PCNT: variants seen among roughly 807,000 people sequenced by gnomAD.
The protein encoded by PCNT is kendrin.
PCNT carries 319 observed loss-of-function variants against 380.4 expected under a neutral mutation model. The ratio of observed to expected loss-of-function variants is 0.84; its 90% CI spans 0.77 to 0.92. The LOEUF (loss-of-function observed/expected upper bound fraction) is 0.92. PCNT is among the 40% of genes least tolerant of loss of function. The probability of loss-of-function intolerance (pLI) is 0.00; values close to 1 mark genes in which losing one functional copy is unlikely to be tolerated. For missense variants in PCNT, 4,400 were observed against 4,255.3 expected (o/e 1.03, Z -0.95); for synonymous variants, 1,845 against 1,735.2 (o/e 1.06, Z -1.57).
intron 3 of PCNT, among the ~76,000 whole-genome samples, chr21:46,335,459 G>T (rs2083703390): frequency 6.6e-6 from 1 of 152,132 alleles, no homozygotes; most frequent in Non-Finnish European, 1.5e-5. Flanking sequence ...ACTTTGGGAG[G>T]CCGAGGTGGG....
At chr21:46,374,203 G>A (rs2085256614) in intron 15 of PCNT, among the ~76,000 whole-genome samples, 1 of 152,122 alleles carries the variant, frequency 6.6e-6, no homozygotes. Flanking sequence ...GGTTAGTGGG[G>A]TGCACGTTCA....
In PCNT at chr21:46,432,199, G is replaced by C; in HGVS notation, c.8735G>C (p.Arg2912Thr). Residue 2912 changes from arginine to threonine, a missense_variant, in exon 38 of 47, where the codon AGA (arginine) becomes ACA (threonine). Arg to Thr is a moderately conservative substitution (Grantham distance 71, BLOSUM62 -1). Coordinates refer to ENST00000359568, the MANE Select transcript of PCNT (RefSeq NM_006031.6). ...GCGGAGCAGTGGAGGAAGTGGCAGA[G>C]AGACAAGGAGAAGCTGGTGAGAGCC... ...AAAEQWRKWQ[R>T]DKEKLRELEL... 2 of 1,610,712 alleles carry C rather than the reference G, an allele frequency of 1.2e-6. No individual in the cohort carries two copies. Among genetic ancestry groups the C allele is most frequent in the Non-Finnish European group, 1.7e-6 (2 of 1,179,182 alleles).
rs1569272883 is a variant in PCNT, at chr21:46,413,377, G to GC, written c.6150+391dup. 1.8e-4 allele frequency among the ~76,000 whole-genome samples: 28 copies of GC among 151,862 alleles called. 1 individual carries two copies. The highest frequency in any genetic ancestry group is 4.8e-5 in the African/African-American group (2 of 41,384). The stretch of plus-strand genomic sequence containing the variant: ...GTGTGGGGAGGGGGGAAGGCGTGAG[G>GC]CCCCCCTGGGAGAGGCTGGGTGCAG... On this transcript the variant is annotated intron_variant, in intron 29 of 46. Coordinates refer to ENST00000359568, the MANE Select transcript of PCNT (RefSeq NM_006031.6).
intron 42 of PCNT, 151 bp from the exon 43 acceptor site, chr21:46,440,704 A>G (rs994779363): frequency 1.6e-6 from 1 of 641,704 alleles, no homozygotes. Flanking sequence ...GTTTCTGGCC[A>G]CAGATACTGT....
Position 46,347,451 on chromosome 21 carries a change from T to C in PCNT, c.977-6T>C, listed in dbSNP as rs1009487219. ...TGGCCTGAGCTGCTTTTTGTTTTTCTTGCAGCTGAGCTGAAGGAGAAGTTA... is the reference window on the plus strand; with the variant it reads ...TGGCCTGAGCTGCTTTTTGTTTTTCCTGCAGCTGAGCTGAAGGAGAAGTTA... On this transcript the variant is annotated splice_polypyrimidine_tract_variant and splice_region_variant and intron_variant, in intron 5 of 46. Transcript: ENST00000359568. The C allele has an allele frequency of 5.0e-6, 8 of 1,614,074 alleles. No homozygotes were observed. Among genetic ancestry groups the C allele is most frequent in the Middle Eastern group, 1.6e-4 (1 of 6,062 alleles).
At chr21:46,424,356 T>C (rs955062229) in intron 32 of PCNT, among the ~76,000 whole-genome samples, 6 of 152,172 alleles carry the variant, frequency 3.9e-5, no homozygotes, top group African/African-American at 1.4e-4. Flanking sequence ...CAGAGCCGCC[T>C]GGTCCTGAGT....
chr21:46,444,054 G>A (rs1204039090), intron 45 of PCNT, 106 bp downstream of exon 45: 2 of 1,237,474 alleles, frequency 1.6e-6, no homozygotes, highest in Non-Finnish European at 2.2e-6. Flanking sequence ...CCCAGCCCAG[G>A]GCAAGGCAGG....
chr21:46,334,287 CT>C, intron 2 of PCNT, 109 bp from the exon 3 acceptor site: 1 of 1,462,930 alleles, frequency 6.8e-7, no homozygotes, highest in South Asian at 1.1e-5. Flanking sequence ...GTGAGCTCTA[CT>C]TGTTAAATGA....
intron 27 of PCNT, among the ~76,000 whole-genome samples, chr21:46,403,094 C>A (rs931992370): frequency 1.3e-5 from 2 of 151,940 alleles, no homozygotes; most frequent in African/African-American, 4.8e-5. Flanking sequence ...TGTGTAGAAT[C>A]GTGTGTGTGG....
chr21:46,355,409 G>T (rs774683537), intron 11 of PCNT, 43 bp from the exon 12 acceptor site: 7 of 1,599,616 alleles, frequency 4.4e-6, no homozygotes, highest in Middle Eastern at 1.7e-4. Context: ...GAGCGAGGTA[G>T]CTTGGCTCAC....
chr21:46,359,739 A>G (rs112036298), intron 13 of PCNT, among the ~76,000 whole-genome samples: 24 of 112,446 alleles, frequency 2.1e-4, no homozygotes, highest in Middle Eastern at 4.3e-3. Context: ...TGCCTGCCTC[A>G]GCCTCCCAAA....
chr21:46,403,258 G>A (rs1473318594), intron 27 of PCNT, among the ~76,000 whole-genome samples: 2 of 139,910 alleles, frequency 1.4e-5, no homozygotes, highest in Non-Finnish European at 3.2e-5. Flanking sequence ...TGAACACAGC[G>A]TGGGAGAATT....
rs1253407214 is a variant in PCNT, at chr21:46,397,997, G to T, written c.4447-17G>T. The stretch of plus-strand genomic sequence containing the variant: ...AGCCCCGTTGGGGTGGTCCCAACAC[G>T]CTGCCTCTCCTCCCAGGAGCAGGCA... On this transcript the variant is annotated splice_polypyrimidine_tract_variant and intron_variant, in intron 22 of 46. Transcript: ENST00000359568. 1.2e-5 allele frequency: 19 copies of T among 1,563,272 alleles called. No homozygotes were observed. Among genetic ancestry groups the T allele is most frequent in the Non-Finnish European group, 1.5e-5 (17 of 1,155,870 alleles).
intron 1 of PCNT, among the ~76,000 whole-genome samples, chr21:46,325,754 A>G (rs1257898166): frequency 6.6e-6 from 1 of 152,188 alleles, no homozygotes. Context: ...GCTCGCACAT[A>G]GTCTCAAACT....
In PCNT at chr21:46,353,753, A is replaced by T. The variant is rs6518288; in HGVS notation, c.1680-234A>T. Among the ~76,000 whole-genome samples the T allele has an allele frequency of 0.099, 8,244 of 83,058 alleles. 507 individuals carry two copies. Among genetic ancestry groups the T allele is most frequent in the African/African-American group, 0.26 (6,345 of 24,860 alleles). 54.5% of individuals were successfully genotyped at this position (83,058 alleles called of 152,430 possible). On this transcript the variant is annotated intron_variant, in intron 10 of 46. Transcript: ENST00000359568. ...GTGTGTGTGTGTGTGTGTGTGTGTG[A>T]GAGAGACAGAGAGAGAGTCAGTGGC...
In PCNT at chr21:46,442,590, T is replaced by C. The variant is rs1434086592; in HGVS notation, c.9700+17T>C. The C allele has an allele frequency of 6.7e-7, 1 of 1,486,078 alleles. No homozygotes were observed. Among genetic ancestry groups the C allele is most frequent in the South Asian group, 1.1e-5 (1 of 88,574 alleles). 92.1% of individuals were successfully genotyped at this position (1,486,078 alleles called of 1,614,324 possible). A position where few individuals can be genotyped will look rare whatever the true frequency, so the allele number is the denominator to read the frequency against. Reference sequence around the variant, plus strand: ...CTCGCCCAGGTGGGACTCCAGCTGCTGTTGACCGCTGGACTCACAAACCTT... The same window carrying C: ...CTCGCCCAGGTGGGACTCCAGCTGCCGTTGACCGCTGGACTCACAAACCTT... On this transcript the variant is annotated intron_variant, in intron 44 of 46. Transcript: ENST00000359568.
Position 46,397,260 on chromosome 21 carries a change from C to T in PCNT, c.4217-5C>T. ...TCCCCGTGTCTGTCCTGTTTGCATC[C>T]TTAGCTCTCCGGAAGGAAGTGGAGG... On this transcript the variant is annotated splice_polypyrimidine_tract_variant and splice_region_variant and intron_variant, in intron 21 of 46. Transcript: ENST00000359568. The T allele has an allele frequency of 6.2e-7, 1 of 1,613,058 alleles. No homozygotes were observed. Among genetic ancestry groups the T allele is most frequent in the Non-Finnish European group, 8.5e-7 (1 of 1,179,088 alleles).
At chr21:46,384,746 C>T (rs541788523) in intron 16 of PCNT, among the ~76,000 whole-genome samples, 42 of 135,092 alleles carry the variant, frequency 3.1e-4, no homozygotes, top group Admixed American at 1.8e-3. Flanking sequence ...GTGCGTTGAG[C>T]GGCGGAAGCG....
chr21:46,381,194 CTCTGTGTGTGTGTG>C (rs2085522821), intron 15 of PCNT, among the ~76,000 whole-genome samples: 1 of 72,918 alleles, frequency 1.4e-5, no homozygotes, highest in Non-Finnish European at 2.5e-5. Flanking sequence ...AAAAAAAAAT[CTCTGTGTGTGTGTG>C]TGTGTGTGTG....
Sources: gnomAD v4.1 joint callset for allele counts (sites outside exome capture counted in the v4.1 genomes callset) on GRCh38, gnomAD v4.1.1 for gene constraint, MANE v1.5 for transcripts, NCBI Gene and HGNC (gene_info 2026-07-23, HGNC 2026-07-21) for gene names.